The following MYO16 variants were observed in gnomAD, a reference collection of about 807,000 sequenced individuals.
MYO16 encodes the protein myosin XVI.
A neutral mutation model predicts 205.3 loss-of-function variants in MYO16; 94 were observed. That is an observed-to-expected ratio of 0.46 (90% confidence interval 0.39 to 0.54). The LOEUF is 0.54. Ranked by LOEUF, MYO16 falls within the 20% of genes least tolerant of loss-of-function variation. MYO16 has a pLI of 0.00. For missense variants in MYO16, 2,315 were observed against 2,387.5 expected, an observed-to-expected ratio of 0.97 and a Z score of 0.63; for synonymous variants, 988 against 954.0, an observed-to-expected ratio of 1.04 and a Z score of -0.66.
chr13:108,666,158 TAAG>T lies in MYO16; in HGVS notation c.292+12_292+14del. ...CCACAATGACAAAGAAGGTACATGA[TAAG>T]AAAGAAGGACCCGTTTTCTGATGTG... is the stretch of plus-strand genomic sequence containing the variant. On this transcript the variant is annotated intron_variant, in intron 2 of 34. Transcript: ENST00000457511. 6.3e-7 allele frequency: 1 copy of T among 1,583,126 alleles called. No individual in the cohort carries two copies. The highest frequency in any genetic ancestry group is 8.6e-7 in the Non-Finnish European group (1 of 1,157,372).
intron 2 of MYO16, among the ~76,000 whole-genome samples, chr13:108,692,579 C>T (rs902847974): frequency 3.3e-5 from 5 of 152,074 alleles, no homozygotes; most frequent in East Asian, 3.9e-4. Flanking sequence ...CTCTGGCAAA[C>T]GTTGCGATTG....
chr13:108,992,678 A>G (rs1194910201), intron 21 of MYO16, among the ~76,000 whole-genome samples: 1 of 152,202 alleles, frequency 6.6e-6, no homozygotes, highest in Admixed American at 6.5e-5. Flanking sequence ...GTTTTAAAAG[A>G]CAATGCAAGA....
the MYO16 span, among the ~76,000 whole-genome samples, chr13:108,564,775 A>G: frequency 6.6e-6 from 1 of 152,258 alleles, no homozygotes; most frequent in East Asian, 1.9e-4. Flanking sequence ...TGGTAGTTTC[A>G]TAGTCTGAGG....
intron 16 of MYO16, among the ~76,000 whole-genome samples, chr13:108,912,213 G>A (rs746351202): frequency 1.1e-4 from 17 of 152,128 alleles, no homozygotes; most frequent in Non-Finnish European, 2.5e-4. Flanking sequence ...GGAAGAGAAT[G>A]AATTGGCCTA....
At position 109,206,599 on chromosome 13, in the gene MYO16, C is replaced by G. The variant is rs764325972; in HGVS notation, c.5416-10C>G. On this transcript the variant is annotated splice_polypyrimidine_tract_variant and intron_variant, in intron 34 of 34. Coordinates refer to ENST00000457511, the MANE Select transcript of MYO16 (RefSeq NM_001198950.3). ...GCTACCTGTTTTTTCTGCCCCTCTT[C>G]CTCCCACAGGTAATCCATCAGCTGA... The G allele has an allele frequency of 1.2e-6, 2 of 1,602,310 alleles. No homozygotes were observed. Among genetic ancestry groups the G allele is most frequent in the Non-Finnish European group, 1.7e-6 (2 of 1,170,808 alleles).
At chr13:108,765,780 A>C (rs1470735427) in intron 4 of MYO16, among the ~76,000 whole-genome samples, 1 of 152,158 alleles carries the variant, frequency 6.6e-6, no homozygotes, top group East Asian at 1.9e-4. Flanking sequence ...CCCTTTTGTT[A>C]CCTTTTCTTT....
rs1190525716 is a variant in MYO16, at chr13:108,744,276, T to G, written c.507+16693T>G. Among the ~76,000 whole-genome samples, 4 of 114,084 alleles carry G rather than the reference T, an allele frequency of 3.5e-5. No individual in the cohort carries two copies. The South Asian group carries it at 8.1e-4, about 23-fold the overall frequency. The allele number at this position is 114,084 out of a possible 152,430, so 74.8% of individuals were successfully genotyped here. ...TGCCTTTTTTCCATTCTTAAAGAGG[T>G]GTTTATTATCCTTTTAAGCTGAATC... On this transcript the variant is annotated intron_variant, in intron 4 of 34. Coordinates refer to ENST00000457511, the MANE Select transcript of MYO16 (RefSeq NM_001198950.3).
At chr13:109,062,047 AT>A (rs1242538018) in intron 27 of MYO16, among the ~76,000 whole-genome samples, 2 of 152,088 alleles carry the variant, frequency 1.3e-5, no homozygotes, top group Non-Finnish European at 2.9e-5. Context: ...AGTTATCCAA[AT>A]TGCTCTATTT....
chr13:109,197,313 G>A (rs2139960361), intron 34 of MYO16, among the ~76,000 whole-genome samples: 1 of 152,306 alleles, frequency 6.6e-6, no homozygotes, highest in East Asian at 1.9e-4. Context: ...GTAAGAATGC[G>A]TTCAGGGGAA....
chr13:108,742,000 CTGTT>C (rs543204659), intron 4 of MYO16, among the ~76,000 whole-genome samples: 24 of 152,122 alleles, frequency 1.6e-4, no homozygotes, highest in Admixed American at 7.2e-4. Context: ...GTTTCCTTGT[CTGTT>C]TGTTTTTGAG....
intron 1 of MYO16, among the ~76,000 whole-genome samples, chr13:108,639,324 A>C (rs1290831590): frequency 6.6e-6 from 1 of 152,162 alleles, no homozygotes; most frequent in Non-Finnish European, 1.5e-5. Context: ...TTAGTGAAAA[A>C]TTCTGTGTTG....
intron 23 of MYO16, among the ~76,000 whole-genome samples, chr13:109,026,803 C>A (rs1886378638): frequency 6.6e-6 from 1 of 152,148 alleles, no homozygotes; most frequent in Admixed American, 6.5e-5. Context: ...TTTCCTTGAT[C>A]TCATTTTGCC....
intron 1 of MYO16, among the ~76,000 whole-genome samples, chr13:108,600,578 C>T (rs1206154333): frequency 6.6e-6 from 1 of 151,966 alleles, no homozygotes; most frequent in East Asian, 1.9e-4. Flanking sequence ...AAATAGTTCC[C>T]TAGGAGAGAA....
intron 32 of MYO16, among the ~76,000 whole-genome samples, chr13:109,164,591 A>G (rs1878550579): frequency 1.3e-5 from 2 of 152,198 alleles, no homozygotes; most frequent in Non-Finnish European, 2.9e-5. Flanking sequence ...TGAAACATGA[A>G]CTCATTGCTT....
chr13:108,862,307 T>A (rs1878485399), intron 11 of MYO16, among the ~76,000 whole-genome samples: 1 of 152,132 alleles, frequency 6.6e-6, no homozygotes, highest in Non-Finnish European at 1.5e-5. Context: ...TGCATCATGA[T>A]TTTGACTTGC....
chr13:108,981,429 A>G (rs1025290344), intron 20 of MYO16, among the ~76,000 whole-genome samples: 1 of 152,226 alleles, frequency 6.6e-6, no homozygotes, highest in Non-Finnish European at 1.5e-5. Flanking sequence ...CTTCTCTTAT[A>G]AGAGGTTAAT....
chr13:108,735,815 AC>A lies in MYO16; in HGVS notation c.507+8233del, dbSNP rs567512260. ...CCTCTCCAGCACCTGTTGTTTCCTG[AC>A]TTTTTAATGATCACCATTCTAACTG... On this transcript the variant is annotated intron_variant, in intron 4 of 34. Coordinates refer to ENST00000457511, the MANE Select transcript of MYO16 (RefSeq NM_001198950.3). Among the ~76,000 whole-genome samples, 870 of 151,656 alleles carry A rather than the reference AC, an allele frequency of 5.7e-3. 5 individuals are homozygous for A. Among genetic ancestry groups the A allele is most frequent in the Non-Finnish European group, 0.01 (685 of 67,884 alleles).
At position 108,712,725 on chromosome 13, in the gene MYO16, C is replaced by T. The variant is rs748749930; in HGVS notation, c.357C>T (p.Leu119=). ...HTLVSSGGSL[L]HLCARYDNAF... ...TCGTCTCCTCGGGAGGGTCCCTGCT[C>T]CATCTGGTAAGAACCGCGACAGTCA... Residue 119 remains leucine, a synonymous_variant, in exon 3 of 35, where the codon CTC becomes CTT. Coordinates refer to ENST00000457511, the MANE Select transcript of MYO16 (RefSeq NM_001198950.3). 11 of 1,612,980 alleles carry T rather than the reference C, an allele frequency of 6.8e-6. No homozygotes were observed. Among genetic ancestry groups the T allele is most frequent in the South Asian group, 2.2e-5 (2 of 90,914 alleles).
intron 2 of MYO16, among the ~76,000 whole-genome samples, chr13:108,707,418 T>C (rs1883553017): frequency 6.6e-6 from 1 of 152,152 alleles, no homozygotes; most frequent in Admixed American, 6.5e-5. Context: ...ACAATTTGTA[T>C]CTTTACGAAG....
Sources: allele counts gnomAD v4.1 joint callset (sites outside exome capture counted in the v4.1 genomes callset), GRCh38; gene constraint gnomAD v4.1.1; transcripts MANE v1.5; gene names NCBI Gene and HGNC (gene_info 2026-07-23, HGNC 2026-07-21).